IRAK2: variants seen among roughly 807,000 people sequenced by gnomAD.
IRAK2 encodes interleukin-1 receptor-associated kinase-like 2.
A neutral mutation model predicts 72.0 loss-of-function variants in IRAK2; 57 were observed. The ratio of observed to expected loss-of-function variants is 0.79; its 90% confidence interval spans 0.64 to 0.99. IRAK2 has a LOEUF of 0.99. Ranked by LOEUF, IRAK2 falls within the 50% of genes least tolerant of loss-of-function variation. The probability of loss-of-function intolerance (pLI) is 0.00; values close to 1 mark genes in which losing one functional copy is unlikely to be tolerated. For synonymous variants in IRAK2, 293 were observed against 312.7 expected, an observed-to-expected ratio of 0.94 and a Z score of 0.67; for missense variants, 790 against 794.4, an observed-to-expected ratio of 0.99 and a Z score of 0.07.
At position 10,243,181 on chromosome 3, in the gene IRAK2, C is replaced by T. The variant is rs1353164643; in HGVS notation, c.*953C>T. Reference sequence around the variant, plus strand: ...TCCTGAGTAGATGGGACTGTAGGCACCTGCCACTATGCCTGGCTAATTTTT... The same window carrying T: ...TCCTGAGTAGATGGGACTGTAGGCATCTGCCACTATGCCTGGCTAATTTTT... On this transcript the variant is annotated 3_prime_UTR_variant, in exon 13 of 13. Transcript: ENST00000256458. The T allele has an allele frequency of 6.6e-6, 1 of 152,174 alleles. No individual in the cohort carries two copies. Among genetic ancestry groups the T allele is most frequent in the Non-Finnish European group, 1.5e-5 (1 of 68,068 alleles). The allele number at this position is 152,174 out of a possible 1,614,324, so 9.4% of individuals were successfully genotyped here. A position where few individuals can be genotyped will look rare whatever the true frequency, so the allele number is the denominator to read the frequency against.
intron 12 of IRAK2, among the ~76,000 whole-genome samples, 166 bp from the exon 13 acceptor site, chr3:10,241,950 G>C (rs1021712280): frequency 6.8e-6 from 1 of 146,582 alleles, no homozygotes; most frequent in South Asian, 2.2e-4. Context: ...TCCAGCCTGG[G>C]CAACAAAGTG....
At chr3:10,179,438 A>AT (rs34786090) in intron 2 of IRAK2, among the ~76,000 whole-genome samples, 6,551 of 144,612 alleles carry the variant, frequency 0.045, 423 homozygotes, top group African/African-American at 0.15. Flanking sequence ...CATCCAGCTA[A>AT]TTTTTTTTTT....
Position 10,242,311 on chromosome 3 carries a change from A to G in IRAK2, c.*83A>G, listed in dbSNP as rs1446622628. 4.9e-5 allele frequency: 36 copies of G among 731,244 alleles called. No individual in the cohort carries two copies. Among genetic ancestry groups the G allele is most frequent in the Non-Finnish European group, 6.9e-5 (30 of 437,110 alleles). 45.3% of individuals were successfully genotyped at this position (731,244 alleles called of 1,614,324 possible). On this transcript the variant is annotated 3_prime_UTR_variant, in exon 13 of 13. Transcript: ENST00000256458. ...AGAAAAAGGTCTGAGGCAGAATCCA[A>G]GATCTGCCAGGAAACACACAACAAA...
intron 3 of IRAK2, among the ~76,000 whole-genome samples, chr3:10,205,012 A>C (rs1697415040): frequency 6.6e-6 from 1 of 152,098 alleles, no homozygotes; most frequent in Admixed American, 6.6e-5. Flanking sequence ...ATTTTAAAAC[A>C]TTTTTATATG....
At chr3:10,184,088 A>T (rs555114970) in intron 2 of IRAK2, among the ~76,000 whole-genome samples, 57 of 152,298 alleles carry the variant, frequency 3.7e-4, no homozygotes, top group South Asian at 1.5e-3. Flanking sequence ...GTGCCCCTAC[A>T]TGCACATCGC....
At chr3:10,236,342 GTT>G (rs34423993) in intron 11 of IRAK2, among the ~76,000 whole-genome samples, 7 of 99,626 alleles carry the variant, frequency 7.0e-5, no homozygotes, top group African/African-American at 7.4e-5. Context: ...AGCCACTAAG[GTT>G]TTTTTTTTTT....
intron 1 of IRAK2, among the ~76,000 whole-genome samples, chr3:10,176,039 GTAAC>G (rs1423414770): frequency 1.4e-5 from 2 of 141,220 alleles, no homozygotes; most frequent in African/African-American, 5.2e-5. Context: ...GAGATGCTGT[GTAAC>G]TTTTCCCCCT....
At chr3:10,220,383 T>TC (rs1559450498) in intron 8 of IRAK2, among the ~76,000 whole-genome samples, 2 of 152,156 alleles carry the variant, frequency 1.3e-5, no homozygotes, top group African/African-American at 4.8e-5. Context: ...AACTCGTATT[T>TC]CCCCAAAGTT....
At chr3:10,204,118 G>GT (rs1210440804) in intron 3 of IRAK2, among the ~76,000 whole-genome samples, 1 of 152,238 alleles carries the variant, frequency 6.6e-6, no homozygotes, top group African/African-American at 2.4e-5. Context: ...ACCAGCCTTG[G>GT]TAAAATACCA....
chr3:10,170,854 A>C (rs1422796463), intron 1 of IRAK2, among the ~76,000 whole-genome samples: 1 of 152,214 alleles, frequency 6.6e-6, no homozygotes, highest in African/African-American at 2.4e-5. Context: ...CTCCTCGCCC[A>C]GTCCCAGTGC....
At chr3:10,230,942 A>G (rs1697851510) in intron 10 of IRAK2, among the ~76,000 whole-genome samples, 1 of 151,584 alleles carries the variant, frequency 6.6e-6, no homozygotes, top group South Asian at 2.1e-4. Context: ...TAATAGAGAC[A>G]GGGTTTCACC....
At chr3:10,222,487 G>C (rs1030010041) in intron 8 of IRAK2, 149 bp from the exon 9 acceptor site, 45 of 646,642 alleles carry the variant, frequency 7.0e-5, no homozygotes, top group Non-Finnish European at 1.1e-5. Context: ...CCCAGTCAGG[G>C]CTGGCTCAGA....
intron 8 of IRAK2, among the ~76,000 whole-genome samples, chr3:10,220,785 G>A (rs926721319): frequency 2.0e-4 from 31 of 152,130 alleles, no homozygotes; most frequent in Non-Finnish European, 4.4e-4. Flanking sequence ...TCTAATAGCA[G>A]GCAAGGAAAT....
intron 2 of IRAK2, among the ~76,000 whole-genome samples, chr3:10,195,400 T>C (rs1697247355): frequency 6.6e-6 from 1 of 151,962 alleles, no homozygotes; most frequent in Admixed American, 6.6e-5. Context: ...CTACACAAAA[T>C]TAAAAATTAG....
intron 11 of IRAK2, among the ~76,000 whole-genome samples, chr3:10,237,222 T>C (rs1697974359): frequency 6.6e-6 from 1 of 152,188 alleles, no homozygotes; most frequent in Non-Finnish European, 1.5e-5. Context: ...TCTCAAGAAG[T>C]AACATGTGAC....
At chr3:10,240,820 A>G (rs1384277555) in intron 12 of IRAK2, among the ~76,000 whole-genome samples, 5 of 151,220 alleles carry the variant, frequency 3.3e-5, no homozygotes, top group Non-Finnish European at 7.4e-5. Context: ...CGGCCTCCCA[A>G]AGTGCTAGGA....
At chr3:10,186,783 C>CTTTTT (rs4020034) in intron 2 of IRAK2, among the ~76,000 whole-genome samples, 3 of 124,712 alleles carry the variant, frequency 2.4e-5, no homozygotes, top group African/African-American at 9.8e-5. Context: ...TCTTTCTTTC[C>CTTTTT]TTTTTTTTTT....
intron 10 of IRAK2, among the ~76,000 whole-genome samples, chr3:10,233,321 G>A (rs1389820404): frequency 6.6e-6 from 1 of 151,956 alleles, no homozygotes; most frequent in African/African-American, 2.4e-5. Context: ...CAAAGTGCTG[G>A]GATTACAGGC....
Position 10,242,835 on chromosome 3 carries a change from C to A in IRAK2, c.*607C>A, listed in dbSNP as rs1698082945. 6.6e-6 allele frequency: 1 copy of A among 152,192 alleles called. No individual in the cohort carries two copies. The highest frequency in any genetic ancestry group is 6.6e-5 in the Admixed American group (1 of 15,262). The allele number at this position is 152,192 out of a possible 1,614,324, so 9.4% of individuals were successfully genotyped here. On this transcript the variant is annotated 3_prime_UTR_variant, in exon 13 of 13. Transcript: ENST00000256458. ...AAGACTTTCAACTTGTGTCTCAGTG[C>A]AGTTCTTGACTCACCTCTCTGGGCC...
Sources: allele counts gnomAD v4.1 joint callset (sites outside exome capture counted in the v4.1 genomes callset), GRCh38; gene constraint gnomAD v4.1.1; transcripts MANE v1.5; gene names NCBI Gene and HGNC (gene_info 2026-07-23, HGNC 2026-07-21).